METTL6: variants seen among roughly 807,000 people sequenced by gnomAD.
METTL6 encodes the protein tRNA N(3)-cytidine methyltransferase METTL6.
A neutral mutation model predicts 26.4 loss-of-function variants in METTL6; 22 were observed. The ratio of observed to expected loss-of-function variants is 0.83; its 90% confidence interval spans 0.59 to 1.19. METTL6 has a LOEUF of 1.19. Among genes scored for constraint, METTL6 ranks in the 50% most tolerant of loss-of-function variants. The pLI is 0.00. For synonymous variants in METTL6, 109 were observed against 116.2 expected (o/e 0.94, Z 0.40); for missense variants, 304 against 324.8 (o/e 0.94, Z 0.49).
chr3:15,407,565 C>T (rs1051662421), downstream of METTL6, among the ~76,000 whole-genome samples: 7 of 152,120 alleles, frequency 4.6e-5, no homozygotes, highest in Non-Finnish European at 8.8e-5. Context: ...AATAGCTACC[C>T]TTCTAAGGGA....
chr3:15,417,404 G>A (rs911182001), intron 3 of METTL6, among the ~76,000 whole-genome samples: 1 of 151,752 alleles, frequency 6.6e-6, no homozygotes, highest in Non-Finnish European at 1.5e-5. Context: ...GTAGTGAGCC[G>A]AGATCATGCC....
chr3:15,411,947 T>C (rs946058806), intron 5 of METTL6, among the ~76,000 whole-genome samples: 6 of 152,162 alleles, frequency 3.9e-5, no homozygotes, highest in African/African-American at 1.4e-4. Context: ...GTATTTTTAG[T>C]AGAGACAGGG....
chr3:15,417,475 A>G (rs901794427), intron 3 of METTL6, among the ~76,000 whole-genome samples: 1 of 151,200 alleles, frequency 6.6e-6, no homozygotes, highest in Admixed American at 6.6e-5. Flanking sequence ...AAATAAATAA[A>G]TAAATAAATA....
chr3:15,419,824 A>C (rs150589310), intron 3 of METTL6, among the ~76,000 whole-genome samples: 140 of 152,184 alleles, frequency 9.2e-4, no homozygotes, highest in Middle Eastern at 3.4e-3. Context: ...AAAAAATAGA[A>C]ACAATTCAAA....
chr3:15,383,201 ATCTACAT>A (rs1281330106), exon 7 of METTL6: 1 of 152,174 alleles, frequency 6.6e-6, no homozygotes, highest in Non-Finnish European at 1.5e-5. Flanking sequence ...CCTTTTCCCT[ATCTACAT>A]AAAGACCTAA....
chr3:15,388,907 G>C (rs1424963776), intron 6 of METTL6, among the ~76,000 whole-genome samples: 1 of 152,220 alleles, frequency 6.6e-6, no homozygotes, highest in Non-Finnish European at 1.5e-5. Context: ...AAGGAAGATA[G>C]AGTTGGTTCA....
intron 6 of METTL6, among the ~76,000 whole-genome samples, chr3:15,401,554 A>G (rs867520590): frequency 0.013 from 1,860 of 147,682 alleles, 23 homozygotes; most frequent in African/African-American, 0.028. Flanking sequence ...AAAAAAAAAA[A>G]AAAGAAAGAA....
downstream of METTL6, among the ~76,000 whole-genome samples, chr3:15,407,266 C>T (rs918926128): frequency 6.6e-6 from 1 of 151,516 alleles, no homozygotes; most frequent in African/African-American, 2.4e-5. Context: ...GTGATCTGCC[C>T]ACCCCAGCCT....
intron 6 of METTL6, among the ~76,000 whole-genome samples, chr3:15,385,350 C>T (rs1425594117): frequency 2.0e-5 from 3 of 152,134 alleles, no homozygotes; most frequent in Non-Finnish European, 2.9e-5. Context: ...GTAATCTCAG[C>T]GCTTTGGGAG....
rs35596746 is a variant in METTL6, at chr3:15,417,452, A to AAAATAAATAAAT, written c.361-1522_361-1511dup. 5.5e-3 allele frequency among the ~76,000 whole-genome samples: 790 copies of AAAATAAATAAAT among 142,692 alleles called. 3 individuals carry two copies. The highest frequency in any genetic ancestry group is 9.5e-3 in the South Asian group (42 of 4,402). The allele number at this position is 142,692 out of a possible 152,430, so 93.6% of individuals were successfully genotyped here. ...CCTGCATGATAGAGACTCTGTCTCA[A>AAAATAAATAAAT]AAATAAATAAATAAATAAATAAATA... On this transcript the variant is annotated intron_variant, in intron 3 of 5. Coordinates refer to ENST00000383790, the MANE Select transcript of METTL6 (RefSeq NM_152396.4).
chr3:15,397,845 T>G (rs1699534401), intron 6 of METTL6, among the ~76,000 whole-genome samples: 1 of 152,124 alleles, frequency 6.6e-6, no homozygotes. Context: ...AATTATTCCT[T>G]CAGATAACAT....
intron 6 of METTL6, among the ~76,000 whole-genome samples, chr3:15,391,685 T>A (rs1699352578): frequency 7.7e-6 from 1 of 130,142 alleles, no homozygotes; most frequent in Non-Finnish European, 1.6e-5. Context: ...TGTGTGATGT[T>A]CCCCTTCCTG....
In METTL6 at chr3:15,415,958, A is replaced by G. The variant is rs781044299; in HGVS notation, c.361-16T>C. 9.0e-5 allele frequency: 144 copies of G among 1,592,044 alleles called. 1 individual carries two copies. Among genetic ancestry groups the G allele is most frequent in the Non-Finnish European group, 1.2e-4 (143 of 1,170,102 alleles). The stretch of plus-strand genomic sequence containing the variant: ...AAGGATTTTGCTACAGGGGGAAGAA[A>G]TACAAATGAATTTTAATGCAACCAC... On this transcript the variant is annotated splice_polypyrimidine_tract_variant and intron_variant, in intron 3 of 5. Coordinates refer to ENST00000383790, the MANE Select transcript of METTL6 (RefSeq NM_152396.4).
At chr3:15,417,930 G>C (rs2061524314) in intron 3 of METTL6, among the ~76,000 whole-genome samples, 1 of 152,144 alleles carries the variant, frequency 6.6e-6, no homozygotes, top group African/African-American at 2.4e-5. Flanking sequence ...AGCCACAACA[G>C]ATAGACTCTT....
chr3:15,404,628 G>T (rs1169856464), intron 6 of METTL6, among the ~76,000 whole-genome samples: 6 of 151,704 alleles, frequency 4.0e-5, no homozygotes, highest in Admixed American at 2.6e-4. Context: ...TGGGATTACA[G>T]GTGTAAGCCA....
chr3:15,411,194 C>T lies in METTL6; in HGVS notation c.*62G>A, dbSNP rs577685383. 51 of 1,546,994 alleles carry T rather than the reference C, an allele frequency of 3.3e-5. No homozygotes were observed. Among genetic ancestry groups the T allele is most frequent in the Middle Eastern group, 1.8e-4 (1 of 5,502 alleles). ...ACAGGCATGAGCCACCGCACCCAGA[C>T]GAAAGAGTGATTTTAAATTTTCCTC... On this transcript the variant is annotated 3_prime_UTR_variant, in exon 6 of 6. Coordinates refer to ENST00000383790, the MANE Select transcript of METTL6 (RefSeq NM_152396.4).
intron 6 of METTL6, among the ~76,000 whole-genome samples, chr3:15,395,272 T>C (rs1245911174): frequency 6.6e-6 from 1 of 152,196 alleles, no homozygotes; most frequent in African/African-American, 2.4e-5. Context: ...TTTGTCTCTT[T>C]TGATCTTTGT....
Position 15,419,802 on chromosome 3 carries a change from T to C in METTL6, c.361-3860A>G, listed in dbSNP as rs566306507. ...TATGATGCTGATCACATTAACCCTA[T>C]TTGTAAGAGCAAAAAAATAGAAACA... On this transcript the variant is annotated intron_variant, in intron 3 of 5. Coordinates refer to ENST00000383790, the MANE Select transcript of METTL6 (RefSeq NM_152396.4). 5.9e-5 allele frequency among the ~76,000 whole-genome samples: 9 copies of C among 152,120 alleles called. No homozygotes were observed. In the East Asian group the frequency reaches 1.5e-3, roughly 26 times the overall value.
intron 3 of METTL6, among the ~76,000 whole-genome samples, chr3:15,423,343 A>ACTG (rs1168090917): frequency 6.6e-6 from 1 of 152,238 alleles, no homozygotes; most frequent in Admixed American, 6.5e-5. Context: ...CAGTAAGCTG[A>ACTG]GATTGCACCA....
Sources: gnomAD v4.1 joint callset for allele counts (sites outside exome capture counted in the v4.1 genomes callset) on GRCh38, gnomAD v4.1.1 for gene constraint, MANE v1.5 for transcripts, NCBI Gene and HGNC (gene_info 2026-07-23, HGNC 2026-07-21) for gene names.